Variants in GRAMD1C observed in about 807,000 individuals in gnomAD.
The protein encoded by GRAMD1C is protein Aster-C.
A neutral mutation model predicts 97.8 loss-of-function variants in GRAMD1C; 89 were observed. The observed-to-expected ratio is 0.91, with a 90% CI of 0.77 to 1.09. The LOEUF (loss-of-function observed/expected upper bound fraction) is 1.09. Ranked by LOEUF, GRAMD1C falls within the 50% of genes least tolerant of loss-of-function variation. GRAMD1C has a pLI of 0.00. For synonymous variants in GRAMD1C, 256 were observed against 267.0 expected, an observed-to-expected ratio of 0.96 and a Z score of 0.40; for missense variants, 740 against 766.4, an observed-to-expected ratio of 0.97 and a Z score of 0.41.
chr3:113,853,312 G>C (rs1481184556), intron 2 of GRAMD1C, among the ~76,000 whole-genome samples: 1 of 152,162 alleles, frequency 6.6e-6, no homozygotes, highest in Admixed American at 6.5e-5. Context: ...ATATCACTGA[G>C]AGATAAAGAG....
chr3:113,885,696 A>T (rs775839604), intron 6 of GRAMD1C: 85 of 1,525,070 alleles, frequency 5.6e-5, no homozygotes, highest in Admixed American at 1.3e-4. Context: ...TACAGAAAGC[A>T]TGGAGATCTA....
chr3:113,844,573 C>T lies in GRAMD1C; in HGVS notation c.98C>T (p.Thr33Ile). The T allele has an allele frequency of 1.9e-6, 3 of 1,603,510 alleles. No individual in the cohort carries two copies. The highest frequency in any genetic ancestry group is 2.6e-6 in the Non-Finnish European group (3 of 1,172,002). The change falls in exon 2 of 18, where the codon ACT becomes ATT. Residue 33 changes from threonine to isoleucine, a missense_variant. By Grantham distance (89) the Thr-to-Ile change is moderately conservative. Transcript: ENST00000358160. ...GATGTAGAGGAAAATCCTAGTCCAA[C>T]TGTGGAAGAGAATAATGTGGTAGTT... ...QEDVEENPSPTVEENNVVVKK... is the reference protein window; with the variant it reads ...QEDVEENPSPIVEENNVVVKK...
intron 17 of GRAMD1C, among the ~76,000 whole-genome samples, chr3:113,941,914 C>CCA (rs1559829936): frequency 1.1e-4 from 17 of 150,572 alleles, no homozygotes; most frequent in African/African-American, 4.2e-4. Flanking sequence ...CCACCGTGCC[C>CCA]GGCCATCTTT....
chr3:113,873,092 C>CAAA (rs576155098), intron 3 of GRAMD1C, among the ~76,000 whole-genome samples: 1 of 35,750 alleles, frequency 2.8e-5, no homozygotes, highest in Non-Finnish European at 4.8e-5. Context: ...GACTCCATCT[C>CAAA]AAAAAAAAAA....
chr3:113,915,754 C>A lies in GRAMD1C; in HGVS notation c.1006C>A (p.His336Asn). The change falls in exon 10 of 18, where the codon CAT becomes AAT. Residue 336 changes from histidine (H) to asparagine (N), a missense_variant. Transcript: ENST00000358160. ...HGRLFINRIF[H>N]ISADRMFELL... The stretch of plus-strand genomic sequence containing the variant: ...AAGACTTTTTATCAACCGTATTTTT[C>A]ATATCAGTGCTGACAGAATGTTTGA... The A allele has an allele frequency of 6.2e-7, 1 of 1,608,780 alleles. No individual in the cohort carries two copies. The highest frequency in any genetic ancestry group is 8.5e-7 in the Non-Finnish European group (1 of 1,175,578).
chr3:113,907,726 A>G (rs1200454322), intron 8 of GRAMD1C, among the ~76,000 whole-genome samples: 1 of 152,242 alleles, frequency 6.6e-6, no homozygotes, highest in East Asian at 1.9e-4. Flanking sequence ...ATACAAAGAA[A>G]TAAAAGCCAT....
chr3:113,861,209 T>C (rs1256664344), intron 2 of GRAMD1C, among the ~76,000 whole-genome samples: 3 of 152,184 alleles, frequency 2.0e-5, no homozygotes, highest in African/African-American at 7.2e-5. Context: ...ATCATAGACT[T>C]ACATGTAAGA....
chr3:113,879,990 G>A (rs1935200501), intron 5 of GRAMD1C, among the ~76,000 whole-genome samples: 1 of 151,954 alleles, frequency 6.6e-6, no homozygotes, highest in African/African-American at 2.4e-5. Flanking sequence ...CACCGTGCCC[G>A]GCTGACCTCT....
At chr3:113,904,358 A>G in intron 8 of GRAMD1C, 86 bp downstream of exon 8, 1 of 953,506 alleles carries the variant, frequency 1.0e-6, no homozygotes, top group Non-Finnish European at 1.6e-6. Context: ...ACAGTATACA[A>G]AATGTTAAAA....
In GRAMD1C at chr3:113,844,610, G is replaced by T. The variant is rs771492632; in HGVS notation, c.135G>T (p.Gly45=). ...ATAATGTGGTAGTTAAAAAACAGGG[G>T]CCAAATTTACATAATTGGAGTGGTG... is the stretch of plus-strand genomic sequence containing the variant. ...EENNVVVKKQ[G]PNLHNWSGDW... The change falls in exon 2 of 18, where the codon GGG becomes GGT. Residue 45 remains glycine, a synonymous_variant. Coordinates refer to ENST00000358160, the MANE Select transcript of GRAMD1C (RefSeq NM_017577.5). 2 of 1,604,170 alleles carry T rather than the reference G, an allele frequency of 1.2e-6. No individual in the cohort carries two copies. Among genetic ancestry groups the T allele is most frequent in the Non-Finnish European group, 1.7e-6 (2 of 1,174,662 alleles).
At chr3:113,900,005 C>G (rs1289458455) in intron 6 of GRAMD1C, among the ~76,000 whole-genome samples, 1 of 152,098 alleles carries the variant, frequency 6.6e-6, no homozygotes, top group Admixed American at 6.5e-5. Context: ...AGGTTCTAAG[C>G]TGACAGGGCT....
intron 5 of GRAMD1C, among the ~76,000 whole-genome samples, chr3:113,877,125 G>T (rs1397445765): frequency 6.6e-6 from 1 of 152,106 alleles, no homozygotes; most frequent in Non-Finnish European, 1.5e-5. Context: ...GGGACTTCTG[G>T]TGTGCACCAC....
intron 1 of GRAMD1C, among the ~76,000 whole-genome samples, chr3:113,832,035 C>CTTTTTTTTTTTTTTTTT (rs1559769031): frequency 6.8e-6 from 1 of 146,496 alleles, no homozygotes; most frequent in African/African-American, 2.8e-5. Context: ...AATGCAGCAA[C>CTTTTTTTTTTTTTTTTT]TTTGTTTTTT....
chr3:113,850,276 T>G lies in GRAMD1C; in HGVS notation c.174+5627T>G, dbSNP rs1055528291. The G allele has an allele frequency of 1.9e-5, 13 of 671,458 alleles. No homozygotes were observed. The Admixed American group carries it at 2.2e-4, about 11-fold the overall frequency. The allele number at this position is 671,458 out of a possible 1,614,324, so 41.6% of individuals were successfully genotyped here. ...GACCACGTCCACGACCAAATCTGCC[T>G]TTAAACTGGAATTCGGTTGCTGACA... is the stretch of plus-strand genomic sequence containing the variant. On this transcript the variant is annotated intron_variant, in intron 2 of 17. Transcript: ENST00000358160.
rs1334289447 is a variant in GRAMD1C at position 113,901,009 on chromosome 3, T to C, written c.541-22T>C. On this transcript the variant is annotated intron_variant, in intron 6 of 17. Coordinates refer to ENST00000358160, the MANE Select transcript of GRAMD1C (RefSeq NM_017577.5). Reference sequence around the variant, plus strand: ...ATATTTTATATTTTCCAATGCTCAGTGTAATTTTTCTGTCACTTTAGAGCC... The same window carrying C: ...ATATTTTATATTTTCCAATGCTCAGCGTAATTTTTCTGTCACTTTAGAGCC... The C allele has an allele frequency of 2.6e-6, 3 of 1,132,840 alleles. No homozygotes were observed. The South Asian group carries it at 3.8e-5, about 14-fold the overall frequency. 70.2% of individuals were successfully genotyped at this position (1,132,840 alleles called of 1,614,324 possible).
rs1466565073 is a variant in GRAMD1C at position 113,946,227 on chromosome 3, T to C, written c.*749T>C. 2 of 152,624 alleles carry C rather than the reference T, an allele frequency of 1.3e-5. No individual in the cohort carries two copies. Among genetic ancestry groups the C allele is most frequent in the African/African-American group, 4.8e-5 (2 of 41,466 alleles). 9.5% of individuals were successfully genotyped at this position (152,624 alleles called of 1,614,324 possible). On this transcript the variant is annotated 3_prime_UTR_variant, in exon 18 of 18. Coordinates refer to ENST00000358160, the MANE Select transcript of GRAMD1C (RefSeq NM_017577.5). ...AAGGTTATGTTAAAATCTGGGCATT[T>C]AGTGACAGATCAAATGCATACTTGA...
At chr3:113,924,691 G>A (rs1287133584) in intron 10 of GRAMD1C, among the ~76,000 whole-genome samples, 2 of 152,210 alleles carry the variant, frequency 1.3e-5, no homozygotes, top group East Asian at 1.9e-4. Flanking sequence ...GGCTGATTGT[G>A]TGGTCGATTT....
At chr3:113,927,927 G>C (rs556048869) in intron 10 of GRAMD1C, among the ~76,000 whole-genome samples, 5 of 152,322 alleles carry the variant, frequency 3.3e-5, no homozygotes, top group African/African-American at 9.6e-5. Flanking sequence ...AAGGCTTATA[G>C]AGGTCCCCAT....
chr3:113,902,574 A>G (rs1425694323), intron 7 of GRAMD1C, among the ~76,000 whole-genome samples: 46 of 152,210 alleles, frequency 3.0e-4, no homozygotes. Context: ...TGCCAACTTG[A>G]AAAGTTTCTA....
Sources: gnomAD v4.1 joint callset for allele counts (sites outside exome capture counted in the v4.1 genomes callset) on GRCh38, gnomAD v4.1.1 for gene constraint, MANE v1.5 for transcripts, NCBI Gene and HGNC (gene_info 2026-07-23, HGNC 2026-07-21) for gene names.